The following NTRK3 variants were observed in gnomAD, a reference collection of about 807,000 sequenced individuals.
NTRK3 encodes the protein NT-3 growth factor receptor.
In NTRK3, 24 loss-of-function variants were observed where a neutral mutation model predicts 91.7. That is an observed-to-expected ratio of 0.26 (90% CI 0.19 to 0.37). NTRK3 has a LOEUF of 0.37. Ranked by LOEUF, NTRK3 falls within the 10% of genes least tolerant of loss-of-function variation. NTRK3 has a pLI of 1.00. For synonymous variants in NTRK3, 483 were observed against 404.0 expected (o/e 1.20, Z -2.34); for missense variants, 880 against 1,068.9 (o/e 0.82, Z 2.46).
chr15:88,015,850 G>C (rs959507270), intron 14 of NTRK3, among the ~76,000 whole-genome samples: 1 of 152,108 alleles, frequency 6.6e-6, no homozygotes. Flanking sequence ...ACGAAGGAAT[G>C]CATCTTGATT....
chr15:87,862,490 T>C, exon 19 of NTRK3: 1 of 228,126 alleles, frequency 4.4e-6, no homozygotes, highest in East Asian at 6.3e-5. Context: ...TTTTCTAACA[T>C]CTGTCAGATA....
intron 5 of NTRK3, among the ~76,000 whole-genome samples, chr15:88,180,304 A>C (rs1323037716): frequency 6.6e-6 from 1 of 152,190 alleles, no homozygotes; most frequent in African/African-American, 2.4e-5. Context: ...AGGGTGGAAA[A>C]TATTCCCATC....
At chr15:88,150,741 G>GC (rs915160539) in intron 5 of NTRK3, among the ~76,000 whole-genome samples, 1 of 152,024 alleles carries the variant, frequency 6.6e-6, no homozygotes, top group Non-Finnish European at 1.5e-5. Context: ...GAAGCACCAA[G>GC]CCCCAGAAAA....
rs1347300988 is a variant in NTRK3, at chr15:88,243,191, C to T, written c.248+12715G>A. Among the ~76,000 whole-genome samples, 16 of 152,316 alleles carry T rather than the reference C, an allele frequency of 1.1e-4. No individual in the cohort carries two copies. The highest frequency in any genetic ancestry group is 3.1e-4 in the African/African-American group (13 of 41,578). Reference sequence around the variant, plus strand: ...AGAATAAAATTGCACCCCTCCTCCACGCCCTTGCCCCCTCCCCACTTCTTA... The same window carrying T: ...AGAATAAAATTGCACCCCTCCTCCATGCCCTTGCCCCCTCCCCACTTCTTA... On this transcript the variant is annotated intron_variant, in intron 3 of 18. Coordinates refer to ENST00000394480, the Ensembl canonical transcript of NTRK3. This position sits in a 1 kb window ranked among gnomAD's most constrained non-coding sequence, Gnocchi z 4.8.
At chr15:88,021,488 T>C (rs2077584362) in intron 14 of NTRK3, among the ~76,000 whole-genome samples, 1 of 152,236 alleles carries the variant, frequency 6.6e-6, no homozygotes, top group African/African-American at 2.4e-5. Flanking sequence ...AAGGTCCTTC[T>C]TGGTAAGTCT....
chr15:88,222,924 G>A (rs987676679), intron 3 of NTRK3, among the ~76,000 whole-genome samples: 2 of 152,194 alleles, frequency 1.3e-5, no homozygotes, highest in African/African-American at 4.8e-5. Context: ...GGTCCCTGAG[G>A]AACCCGCAGG....
chr15:87,900,443 G>A (rs1427315503), intron 17 of NTRK3, among the ~76,000 whole-genome samples: 1 of 152,168 alleles, frequency 6.6e-6, no homozygotes, highest in Non-Finnish European at 1.5e-5. Flanking sequence ...AGGTCATCTG[G>A]GTTCTTGTCC....
At position 88,255,176 on chromosome 15, in the gene NTRK3, C is replaced by T. The variant is rs957382079; in HGVS notation, c.248+730G>A. On this transcript the variant is annotated intron_variant, in intron 3 of 18. Transcript: ENST00000394480. This position sits in a 1 kb window ranked among gnomAD's most constrained non-coding sequence, Gnocchi z 4.3. ...GCGCCATCCTGACTCGGAATAGTTCCGAGCAGTTATCAAAGCCCAAACTGG... is the reference window on the plus strand; with the variant it reads ...GCGCCATCCTGACTCGGAATAGTTCTGAGCAGTTATCAAAGCCCAAACTGG... 9.2e-5 allele frequency among the ~76,000 whole-genome samples: 14 copies of T among 152,120 alleles called. No individual in the cohort carries two copies. The highest frequency in any genetic ancestry group is 9.7e-5 in the African/African-American group (4 of 41,426).
chr15:88,003,151 C>A (rs1366304692), intron 14 of NTRK3, among the ~76,000 whole-genome samples: 1 of 152,214 alleles, frequency 6.6e-6, no homozygotes, highest in South Asian at 2.1e-4. Flanking sequence ...CAAATGCTAG[C>A]CACTCACTTG....
chr15:88,175,369 G>A (rs2045900248), intron 5 of NTRK3, among the ~76,000 whole-genome samples: 1 of 144,144 alleles, frequency 6.9e-6, no homozygotes, highest in East Asian at 2.0e-4. Context: ...ACACAGGATA[G>A]ACACAGAGAG....
exon 19 of NTRK3, chr15:87,868,163 G>A (rs1020265217): frequency 4.3e-6 from 1 of 231,450 alleles, no homozygotes; most frequent in African/African-American, 2.2e-5. Flanking sequence ...AGGCTTTTGT[G>A]TGTGTGTGTG....
At chr15:87,924,113 T>C (rs973955449) in intron 17 of NTRK3, among the ~76,000 whole-genome samples, 6 of 152,122 alleles carry the variant, frequency 3.9e-5, no homozygotes, top group Non-Finnish European at 7.4e-5. Flanking sequence ...TCTTAGTCCT[T>C]ACAGAAAATG....
intron 14 of NTRK3, among the ~76,000 whole-genome samples, chr15:88,029,421 A>C (rs1275839824): frequency 6.6e-6 from 1 of 152,242 alleles, no homozygotes; most frequent in Non-Finnish European, 1.5e-5. Context: ...AAGCAAGGAG[A>C]GGACCAGCAT....
chr15:88,098,415 T>C (rs2049841190), intron 13 of NTRK3: 1 of 185,508 alleles, frequency 5.4e-6, no homozygotes, highest in African/African-American at 2.3e-5. Flanking sequence ...ATAAGCTTTA[T>C]TTACAAGGGC....
intron 3 of NTRK3, among the ~76,000 whole-genome samples, chr15:88,229,241 T>C (rs1374167319): frequency 6.6e-6 from 1 of 152,170 alleles, no homozygotes; most frequent in Non-Finnish European, 1.5e-5. Flanking sequence ...TATTCAACTC[T>C]AACAACCACC....
rs565106138 is a variant in NTRK3 at position 88,068,053 on chromosome 15, G to A, written c.1397-35008C>T. ...CTACCTCAGGAATAGAGTGGATACT[G>A]GGCAAATGTTTAATGACTAAACATA... On this transcript the variant is annotated intron_variant, in intron 13 of 18. Transcript: ENST00000394480. 5.9e-5 allele frequency among the ~76,000 whole-genome samples: 9 copies of A among 152,214 alleles called. No individual in the cohort carries two copies. The East Asian group carries it at 1.7e-3, about 29-fold the overall frequency.
chr15:88,024,403 C>T (rs2077851855), intron 14 of NTRK3, among the ~76,000 whole-genome samples: 1 of 152,120 alleles, frequency 6.6e-6, no homozygotes, highest in Admixed American at 6.6e-5. Flanking sequence ...TGCTCTATCC[C>T]CAGGGCCTAA....
At chr15:88,194,311 A>T (rs1382103645) in intron 3 of NTRK3, among the ~76,000 whole-genome samples, 1 of 152,222 alleles carries the variant, frequency 6.6e-6, no homozygotes, top group African/African-American at 2.4e-5. Flanking sequence ...ATCTCCCCCA[A>T]GTGCTCTGCT....
intron 13 of NTRK3, among the ~76,000 whole-genome samples, chr15:88,085,929 C>A (rs914059108): frequency 2.0e-5 from 3 of 152,162 alleles, no homozygotes; most frequent in Non-Finnish European, 4.4e-5. Flanking sequence ...GAAGCAGACA[C>A]ATAAAGAGAA....
Sources: gnomAD v4.1 joint callset for allele counts (sites outside exome capture counted in the v4.1 genomes callset) on GRCh38, gnomAD v4.1.1 for gene constraint, Gnocchi (gnomAD v3.1) non-coding constraint, MANE v1.5 for transcripts, NCBI Gene and HGNC (gene_info 2026-07-23, HGNC 2026-07-21) for gene names.